POLR1A: variants seen among roughly 807,000 people sequenced by gnomAD.
POLR1A encodes DNA-directed RNA polymerase I subunit RPA1.
A neutral mutation model predicts 205.3 loss-of-function variants in POLR1A; 84 were observed. The ratio of observed to expected loss-of-function variants is 0.41; its 90% CI spans 0.34 to 0.49. POLR1A has a LOEUF of 0.49. Ranked by LOEUF, POLR1A falls within the 20% of genes least tolerant of loss-of-function variation. POLR1A has a pLI of 0.22. For synonymous variants in POLR1A, 799 were observed against 863.7 expected (o/e 0.93, Z 1.31); for missense variants, 1,645 against 2,204.5 (o/e 0.75, Z 5.08).
Position 86,022,058 on chromosome 2 carries a change from C to G in POLR1A, c.*5365G>C, listed in dbSNP as rs1271311414. Reference sequence around the variant, plus strand: ...GATGCTGCTTAAAGAACTTAAGGAACGAATCTGATTAAATAATTATGATTT... The same window carrying G: ...GATGCTGCTTAAAGAACTTAAGGAAGGAATCTGATTAAATAATTATGATTT... On this transcript the variant is annotated 3_prime_UTR_variant, in exon 34 of 34. Transcript: ENST00000263857. 2.0e-5 allele frequency: 3 copies of G among 152,222 alleles called. No individual in the cohort carries two copies. The highest frequency in any genetic ancestry group is 2.0e-4 in the Admixed American group (3 of 15,280). The allele number at this position is 152,222 out of a possible 1,614,324, so 9.4% of individuals were successfully genotyped here.
intron 17 of POLR1A, 26 bp from the exon 18 acceptor site, chr2:86,049,068 G>A: frequency 6.2e-7 from 1 of 1,614,084 alleles, no homozygotes; most frequent in Non-Finnish European, 8.5e-7. Context: ...AAACACAGCG[G>A]AGGCTGAGGC....
chr2:86,075,700 G>A (rs888704463), intron 11 of POLR1A, among the ~76,000 whole-genome samples: 10 of 152,082 alleles, frequency 6.6e-5, no homozygotes, highest in African/African-American at 1.9e-4. Flanking sequence ...TAGAGACAGG[G>A]TTTCTCCATG....
At position 86,028,798 on chromosome 2, in the gene POLR1A, C is replaced by T. The variant is rs550167661; in HGVS notation, c.4780-87G>A. On this transcript the variant is annotated intron_variant, in intron 31 of 33. Transcript: ENST00000263857. This position sits in a 1 kb window ranked among gnomAD's most constrained non-coding sequence, Gnocchi z 4.5. Reference sequence around the variant, plus strand: ...GTATCTCCCCCTGGCCGCTCTCTCTCTCCTTGTGTCTGGCAGCTCGGTACA... The same window carrying T: ...GTATCTCCCCCTGGCCGCTCTCTCTTTCCTTGTGTCTGGCAGCTCGGTACA... 7 of 933,642 alleles carry T rather than the reference C, an allele frequency of 7.5e-6. No homozygotes were observed. The East Asian group carries it at 1.8e-4, about 24-fold the overall frequency. The allele number at this position is 933,642 out of a possible 1,614,324, so 57.8% of individuals were successfully genotyped here.
chr2:86,101,608 C>T (rs1174131755), intron 1 of POLR1A, among the ~76,000 whole-genome samples: 6 of 152,194 alleles, frequency 3.9e-5, no homozygotes, highest in Non-Finnish European at 7.3e-5. Context: ...GAACAAATTA[C>T]TTACCTTTTG....
intron 9 of POLR1A, among the ~76,000 whole-genome samples, chr2:86,080,431 A>G (rs929604018): frequency 4.6e-5 from 7 of 152,128 alleles, no homozygotes; most frequent in African/African-American, 1.7e-4. Context: ...CAAAAGGGAC[A>G]CTCTTAAAGC....
At chr2:86,040,958 T>C (rs980253490) in intron 24 of POLR1A, among the ~76,000 whole-genome samples, 8 of 152,220 alleles carry the variant, frequency 5.3e-5, no homozygotes, top group African/African-American at 1.9e-4. Flanking sequence ...CCTCCTGCTA[T>C]AAAAATTAGA....
At chr2:86,035,816 T>G (rs1044099919) in intron 27 of POLR1A, among the ~76,000 whole-genome samples, 1 of 152,142 alleles carries the variant, frequency 6.6e-6, no homozygotes, top group Admixed American at 6.5e-5. Context: ...ATTCCCCCAG[T>G]TGGGGATGCC....
intron 27 of POLR1A, among the ~76,000 whole-genome samples, chr2:86,035,408 CAG>C (rs1672477171): frequency 6.6e-6 from 1 of 152,192 alleles, no homozygotes; most frequent in South Asian, 2.1e-4. Flanking sequence ...TGACCTGCCA[CAG>C]ACTGGAGAGG....
chr2:86,046,524 G>A (rs956488686), intron 19 of POLR1A, among the ~76,000 whole-genome samples: 2 of 152,208 alleles, frequency 1.3e-5, no homozygotes, highest in African/African-American at 2.4e-5. Context: ...AAATCTCTAG[G>A]ACAATGTTTA....
Position 86,045,732 on chromosome 2 carries a change from C to T in POLR1A, c.2771G>A (p.Arg924Gln), listed in dbSNP as rs755819110. Residue 924 changes from arginine to glutamine, a missense_variant, in exon 20 of 34, where the codon CGG becomes CAG. By Grantham distance (43) the Arg-to-Gln change is conservative (BLOSUM62 1). Around this residue, in one of 16 missense-constraint regions of POLR1A, gnomAD observed 339 missense variants for 415.1 expected, o/e 0.82. Transcript: ENST00000263857. ...GCCAGACGCCATCAGCGGGGGTCTC[C>T]GACCTTCCAGTTCAATCTGGCCCAG... is the stretch of plus-strand genomic sequence containing the variant. ...CLLGQIELEG[R>Q]RPPLMASGKS... 8.7e-6 allele frequency: 14 copies of T among 1,608,472 alleles called. No homozygotes were observed. Among genetic ancestry groups the T allele is most frequent in the South Asian group, 1.1e-5 (1 of 89,982 alleles).
intron 13 of POLR1A, among the ~76,000 whole-genome samples, chr2:86,069,299 G>A (rs77298352): frequency 0.023 from 3,537 of 152,340 alleles, 81 homozygotes; most frequent in East Asian, 0.098. Flanking sequence ...AGACCTTTGG[G>A]TGGGTGGTGA....
chr2:86,083,211 AG>A, intron 6 of POLR1A, 43 bp from the exon 7 acceptor site: 8 of 1,347,624 alleles, frequency 5.9e-6, no homozygotes, highest in Non-Finnish European at 8.5e-6. Flanking sequence ...AATCAGAAAC[AG>A]GTACTCTTTC....
At position 86,026,090 on chromosome 2, in the gene POLR1A, T is replaced by A. The variant is rs1672242345; in HGVS notation, c.*1333A>T. On this transcript the variant is annotated 3_prime_UTR_variant, in exon 34 of 34. Coordinates refer to ENST00000263857, the MANE Select transcript of POLR1A (RefSeq NM_015425.6). ...GACCAAGGCTAGCACAGCTTCTGCA[T>A]AAAGGCTTCTCCCCTCTGCTTCTCC... The A allele has an allele frequency of 6.6e-6, 1 of 152,284 alleles. No individual in the cohort carries two copies. The highest frequency in any genetic ancestry group is 1.5e-5 in the Non-Finnish European group (1 of 68,092). 9.4% of individuals were successfully genotyped at this position (152,284 alleles called of 1,614,324 possible).
At chr2:86,047,886 G>A (rs2104394546) in intron 18 of POLR1A, among the ~76,000 whole-genome samples, 1 of 152,296 alleles carries the variant, frequency 6.6e-6, no homozygotes, top group South Asian at 2.1e-4. Context: ...GAGCCTGGGT[G>A]GGCGGAGGTG....
chr2:86,052,801 C>G lies in POLR1A; in HGVS notation c.2392+16G>C. On this transcript the variant is annotated intron_variant, in intron 16 of 33. Transcript: ENST00000263857. ...CTGACGGGTCACTGCCCCAGGGCAG[C>G]GAGCCCGGCACTTACCCAAGGTGAA... 6.7e-7 allele frequency: 1 copy of G among 1,484,638 alleles called. No individual in the cohort carries two copies. Among genetic ancestry groups the G allele is most frequent in the African/African-American group, 1.4e-5 (1 of 69,834 alleles). The allele number at this position is 1,484,638 out of a possible 1,614,324, so 92.0% of individuals were successfully genotyped here.
At position 86,054,184 on chromosome 2, in the gene POLR1A, G is replaced by C. The variant is rs768779433; in HGVS notation, c.2164C>G (p.Arg722Gly). Residue 722 changes from arginine (R) to glycine (G), a missense_variant, in exon 15 of 34, where the codon CGA becomes GGA. This residue lies in a region of POLR1A where 339 missense variants were observed against 415.1 expected (regional missense o/e 0.82). Transcript: ENST00000263857. ...TGKAWVKETP[R>G]SVPGFNPDSM... ...TCAGGGTTAAAGCCAGGAACGGATC[G>C]AGGAGTTTCCTTCACCCAGGCTTTC... The C allele has an allele frequency of 1.9e-5, 31 of 1,613,872 alleles. No homozygotes were observed. Among genetic ancestry groups the C allele is most frequent in the Non-Finnish European group, 2.5e-5 (29 of 1,179,886 alleles).
chr2:86,032,352 C>A lies in POLR1A; in HGVS notation c.4192G>T (p.Gly1398Trp). The A allele has an allele frequency of 1.9e-6, 3 of 1,613,426 alleles. No individual in the cohort carries two copies. Among genetic ancestry groups the A allele is most frequent in the Non-Finnish European group, 2.5e-6 (3 of 1,179,414 alleles). ...GEQEGDEEEE[G>W]HIVDAEAEEG... ...TCAGCTTCAGCATCCACAATGTGCC[C>A]CTCCTCTTCCTCATCACCCTCCTGC... Residue 1398 changes from glycine to tryptophan, a missense_variant, in exon 29 of 34, where the codon GGG becomes TGG. Transcript: ENST00000263857.
rs373000391 is a variant in POLR1A, at chr2:86,045,262, G to A, written c.2969+16C>T. On this transcript the variant is annotated intron_variant, in intron 21 of 33. Transcript: ENST00000263857. ...CCTGGCACTCTACCTCAAGGGGCAC[G>A]GCAGATACATTTTACCTTTGGAGAT... 5.7e-6 allele frequency: 9 copies of A among 1,565,810 alleles called. No homozygotes were observed. The African/African-American group carries it at 6.8e-5, about 12-fold the overall frequency.
chr2:86,033,710 C>G lies in POLR1A; in HGVS notation c.4112G>C (p.Arg1371Thr), dbSNP rs1419837947. Residue 1371 changes from arginine (R) to threonine (T), a missense_variant, in exon 28 of 34, where the codon AGA (arginine) becomes ACA (threonine). Arg to Thr is a moderately conservative substitution (Grantham distance 71). This residue lies in a region of POLR1A where 394 missense variants were observed against 468.5 expected (regional missense o/e 0.84). Transcript: ENST00000263857. Reference sequence around the variant, plus strand: ...GTTGTCCAGATCCCGCTGTGTAGCTCTTCGAGTGTTTACGTTCCTGAAAGC... The same window carrying G: ...GTTGTCCAGATCCCGCTGTGTAGCTGTTCGAGTGTTTACGTTCCTGAAAGC... ...ASAFRNVNTR[R>T]ATQRDLDNAG... is the part of the protein sequence containing the mutation. 6.2e-7 allele frequency: 1 copy of G among 1,614,068 alleles called. No homozygotes were observed. The highest frequency in any genetic ancestry group is 8.5e-7 in the Non-Finnish European group (1 of 1,180,020).
Sources: gnomAD v4.1 joint callset for allele counts (sites outside exome capture counted in the v4.1 genomes callset) on GRCh38, gnomAD v4.1.1 for gene constraint, gnomAD v4.1.1 regional missense constraint, Gnocchi (gnomAD v3.1) non-coding constraint, MANE v1.5 for transcripts, NCBI Gene and HGNC (gene_info 2026-07-23, HGNC 2026-07-21) for gene names.